Variants in RNASE9 observed in about 807,000 individuals in gnomAD.
RNASE9 encodes ribonuclease A family member 9 (inactive), also known as inactive ribonuclease-like protein 9.
For missense variants in RNASE9, 263 were observed against 247.1 expected (o/e 1.06, Z -0.43); for synonymous variants, 95 against 87.6 (o/e 1.08, Z -0.47).
At chr14:20,558,930 G>A (rs968991129) in intron 2 of RNASE9, among the ~76,000 whole-genome samples, 3 of 151,978 alleles carry the variant, frequency 2.0e-5, no homozygotes, top group Non-Finnish European at 4.4e-5. Context: ...TATTTTAATA[G>A]ATAGTAAGAA....
At chr14:20,558,779 C>T in intron 2 of RNASE9, 1 of 587,830 alleles carries the variant, frequency 1.7e-6, no homozygotes. Context: ...AATCTGCAAC[C>T]TTCTTAATTC....
At chr14:20,560,268 T>C (rs1883901136) in intron 1 of RNASE9, 1 of 152,142 alleles carries the variant, frequency 6.6e-6, no homozygotes, top group Non-Finnish European at 1.5e-5. Context: ...ATAATAATTA[T>C]ATAGCCTCAA....
At chr14:20,558,128 C>T in exon 3 of RNASE9, 1 of 288,146 alleles carries the variant, frequency 3.5e-6, no homozygotes, top group Non-Finnish European at 6.7e-6. Context: ...GTCCATGCTC[C>T]ATGAAGAACC....
At chr14:20,558,585 T>C (rs1331909859) in exon 3 of RNASE9, 4 of 1,551,180 alleles carry the variant, frequency 2.6e-6, no homozygotes, top group Admixed American at 2.0e-5. Flanking sequence ...AGTGATCCCA[T>C]GGTGACAGGT....
At position 20,558,399 on chromosome 14, in the gene RNASE9, A is replaced by G. The variant is rs992478654; in HGVS notation, c.-1330T>C. The G allele has an allele frequency of 5.7e-6, 4 of 700,202 alleles. No homozygotes were observed. In the African/African-American group the frequency reaches 7.1e-5, roughly 12 times the overall value. The allele number at this position is 700,202 out of a possible 1,614,324, so 43.4% of individuals were successfully genotyped here. On this transcript the variant is annotated 5_prime_UTR_variant, in exon 3 of 3. Transcript: ENST00000555230. The stretch of plus-strand genomic sequence containing the variant: ...ACACATCAGAAAGTAGAGACAGGAA[A>G]GTTGAGCATAGGAGTGCAGAGAATG...
chr14:20,560,347 C>T (rs1014850588), intron 1 of RNASE9: 1 of 151,818 alleles, frequency 6.6e-6, no homozygotes, highest in Non-Finnish European at 1.5e-5. Context: ...AAACTCAATG[C>T]TGATAAGAGT....
upstream of RNASE9, chr14:20,561,017 T>C (rs893366346): frequency 6.6e-6 from 1 of 152,186 alleles, no homozygotes; most frequent in Non-Finnish European, 1.5e-5. Context: ...TTTATTCTCA[T>C]GTAGGGGCCT....
exon 3 of RNASE9, chr14:20,556,603 T>G: frequency 6.2e-7 from 1 of 1,613,872 alleles, no homozygotes; most frequent in Non-Finnish European, 8.5e-7. Flanking sequence ...ATAAAGTGAT[T>G]CGTATTTACA....
chr14:20,556,715 T>C (rs1883708837), exon 3 of RNASE9: 5 of 1,613,970 alleles, frequency 3.1e-6, no homozygotes, highest in Non-Finnish European at 4.2e-6. Flanking sequence ...GGCACAAATC[T>C]GTTGTAACAG....
In RNASE9 at chr14:20,556,946, C is replaced by CT; in HGVS notation, c.123dup (p.Glu42ArgfsTer4). On this transcript the variant is annotated frameshift_variant, in exon 3 of 3. Transcript: ENST00000555230. LOFTEE classifies it low-confidence loss of function (END_TRUNC). ...TTTTCCAAACACTCTTCAAATTCTT[C>CT]TTTTTTATCTTCTTCTGGGAAATCA... 1 of 1,614,114 alleles carries CT rather than the reference C, an allele frequency of 6.2e-7. No individual in the cohort carries two copies. Among genetic ancestry groups the CT allele is most frequent in the Non-Finnish European group, 8.5e-7 (1 of 1,180,002 alleles).
At chr14:20,557,027 G>A in exon 3 of RNASE9, 1 of 1,613,646 alleles carries the variant, frequency 6.2e-7, no homozygotes, top group Non-Finnish European at 8.5e-7. Context: ...TGCGGCAATA[G>A]AAGCAGGGGC....
At chr14:20,556,656 T>C in exon 3 of RNASE9, 1 of 1,613,400 alleles carries the variant, frequency 6.2e-7, no homozygotes, top group Non-Finnish European at 8.5e-7. Context: ...AATACACTCC[T>C]TCTACAAGAC....
exon 3 of RNASE9, chr14:20,558,109 G>A (rs976057625): frequency 2.3e-5 from 6 of 265,200 alleles, no homozygotes; most frequent in Non-Finnish European, 4.4e-5. Flanking sequence ...AGAGTGCTTT[G>A]ACAAATTGGT....
exon 3 of RNASE9, chr14:20,556,905 C>A: frequency 1.2e-6 from 2 of 1,614,012 alleles, no homozygotes; most frequent in Non-Finnish European, 1.7e-6. Flanking sequence ...GTCTGGCGGG[C>A]CCTGTACTAA....
exon 3 of RNASE9, chr14:20,556,355 G>T: frequency 1.1e-6 from 1 of 921,654 alleles, no homozygotes; most frequent in Non-Finnish European, 1.7e-6. Context: ...GGTGATTAAA[G>T]TGAATGGAAG....
chr14:20,560,314 T>G (rs1458185283), intron 1 of RNASE9: 4 of 152,114 alleles, frequency 2.6e-5, no homozygotes, highest in Admixed American at 2.0e-4. Context: ...TCTTTTAAAT[T>G]GGCAATAATT....
exon 3 of RNASE9, chr14:20,556,660 A>G (rs1437550132): frequency 6.2e-7 from 1 of 1,613,506 alleles, no homozygotes. Context: ...CACTCCTTCT[A>G]CAAGACCTTT....
exon 3 of RNASE9, chr14:20,556,932 C>G: frequency 1.9e-6 from 3 of 1,614,052 alleles, no homozygotes; most frequent in Non-Finnish European, 2.5e-6. Context: ...TTTCCAAACA[C>G]TCTTCAAATT....
exon 3 of RNASE9, chr14:20,557,236 A>G: frequency 1.5e-6 from 1 of 682,944 alleles, no homozygotes; most frequent in Non-Finnish European, 2.4e-6. Flanking sequence ...AATACTTCTA[A>G]ATTATTGACA....
Sources: gnomAD v4.1 joint callset for allele counts (sites outside exome capture counted in the v4.1 genomes callset) on GRCh38, gnomAD v4.1.1 for gene constraint, MANE v1.5 for transcripts, NCBI Gene and HGNC (gene_info 2026-07-23, HGNC 2026-07-21) for gene names.